The following RPH3AL variants were observed in gnomAD, a reference collection of about 807,000 sequenced individuals.
The protein encoded by RPH3AL is rabphilin 3A like (without C2 domains), also known as rab effector Noc2.
RPH3AL carries 38 observed loss-of-function variants against 43.1 expected under a neutral mutation model. That is an observed-to-expected ratio of 0.88 (90% CI 0.68 to 1.15). The LOEUF (loss-of-function observed/expected upper bound fraction) is 1.15, where lower values mean the gene tolerates loss of function less well. RPH3AL is among the 50% of genes most tolerant of loss of function. The pLI is 0.00. For missense variants in RPH3AL, 462 were observed against 423.2 expected (o/e 1.09, Z -0.81); for synonymous variants, 189 against 176.3 (o/e 1.07, Z -0.57).
At position 302,943 on chromosome 17, in the gene RPH3AL, C is replaced by T. The variant is rs187818702; in HGVS notation, c.351+16477G>A. 6.0e-4 allele frequency among the ~76,000 whole-genome samples: 91 copies of T among 152,294 alleles called. 1 individual carries two copies. The South Asian group carries it at 9.7e-3, about 16-fold the overall frequency. ...CCCCGAAGGTCAGGGGCGGGAGCTT[C>T]GCATTTCACACACACCTCTGGTGTT... On this transcript the variant is annotated intron_variant, in intron 5 of 9. Transcript: ENST00000331302.
intron 8 of RPH3AL, among the ~76,000 whole-genome samples, chr17:218,362 T>TTCC (rs2040863706): frequency 7.9e-6 from 1 of 126,716 alleles, no homozygotes; most frequent in African/African-American, 3.2e-5. Flanking sequence ...GCCCTTCTTC[T>TTCC]GCGCTAAAAT....
chr17:256,263 G>T (rs1383069352), intron 6 of RPH3AL, among the ~76,000 whole-genome samples: 6 of 88,970 alleles, frequency 6.7e-5, no homozygotes, highest in South Asian at 3.6e-4. Context: ...GCCGCACGGC[G>T]TCTGTCCTTT....
chr17:218,706 G>A (rs546908632), intron 8 of RPH3AL, among the ~76,000 whole-genome samples: 14 of 152,204 alleles, frequency 9.2e-5, no homozygotes, highest in African/African-American at 2.2e-4. Flanking sequence ...CAATGCCCCC[G>A]TTAACCCTCT....
chr17:282,964 C>T (rs2042816708), intron 5 of RPH3AL, among the ~76,000 whole-genome samples: 1 of 152,160 alleles, frequency 6.6e-6, no homozygotes, highest in South Asian at 2.1e-4. Context: ...ACGTTGCTTC[C>T]CCTGAAGGCA....
intron 5 of RPH3AL, among the ~76,000 whole-genome samples, chr17:317,151 C>G (rs891117654): frequency 1.2e-4 from 18 of 151,600 alleles, no homozygotes; most frequent in South Asian, 2.1e-4. Flanking sequence ...TGTGCCCCAC[C>G]TCCATTGACC....
chr17:309,262 C>T (rs996007635), intron 5 of RPH3AL, among the ~76,000 whole-genome samples: 3 of 152,222 alleles, frequency 2.0e-5, no homozygotes, highest in African/African-American at 7.2e-5. Flanking sequence ...CACTGCACTC[C>T]AGCCTGGGCG....
chr17:352,570 G>A (rs116963255), intron 1 of RPH3AL, 142 bp downstream of exon 1: 4 of 152,334 alleles, frequency 2.6e-5, no homozygotes, highest in East Asian at 1.9e-4. Flanking sequence ...TTAACCAGAC[G>A]CTCTCCCAGC....
chr17:272,354 C>T (rs1327866623), intron 6 of RPH3AL, among the ~76,000 whole-genome samples: 3 of 151,868 alleles, frequency 2.0e-5, no homozygotes, highest in Non-Finnish European at 2.9e-5. Flanking sequence ...TGGAACCAAC[C>T]CAAATGTCCA....
intron 1 of RPH3AL, among the ~76,000 whole-genome samples, chr17:349,603 C>T (rs904490927): frequency 6.6e-6 from 1 of 152,110 alleles, no homozygotes; most frequent in East Asian, 1.9e-4. Flanking sequence ...GGGAGGATTG[C>T]TTGAGGCCAG....
rs2041740473 is a variant in RPH3AL at position 245,459 on chromosome 17, GT to G, written c.613+1651del. ...TGTGAGCGTGTGTCAATGCGGTTGT[GT>G]TTGTGTGCGTGGATGTGAGTGTGTG... On this transcript the variant is annotated intron_variant, in intron 7 of 9. Coordinates refer to ENST00000331302, the MANE Select transcript of RPH3AL (RefSeq NM_006987.4). This position sits in a 1 kb window ranked among gnomAD's most constrained non-coding sequence, Gnocchi z 5.9. Among the ~76,000 whole-genome samples, 1 of 151,396 alleles carries G rather than the reference GT, an allele frequency of 6.6e-6. No homozygotes were observed. Among genetic ancestry groups the G allele is most frequent in the Non-Finnish European group, 1.5e-5 (1 of 67,866 alleles).
Position 283,283 on chromosome 17 carries a change from C to T in RPH3AL, c.352-1429G>A, listed in dbSNP as rs989759081. 9.9e-5 allele frequency among the ~76,000 whole-genome samples: 15 copies of T among 152,142 alleles called. No individual in the cohort carries two copies. The highest frequency in any genetic ancestry group is 2.7e-4 in the African/African-American group (11 of 41,420). On this transcript the variant is annotated intron_variant, in intron 5 of 9. Transcript: ENST00000331302. The surrounding 1 kb of genome is among the most constrained non-coding windows in gnomAD (Gnocchi z 4.2). ...AATGTCACCAACTTGGCTTCCACGT[C>T]GAGCGTGTCGAGCGTGTGGAGGTCA...
chr17:237,506 AGAG>A (rs2041426997), intron 7 of RPH3AL, among the ~76,000 whole-genome samples: 2 of 152,242 alleles, frequency 1.3e-5, no homozygotes, highest in South Asian at 4.1e-4. Flanking sequence ...CCCAGGCCTC[AGAG>A]GAGAAGGGAA....
intron 2 of RPH3AL, chr17:332,830 G>GAC (rs2044821788): frequency 5.2e-6 from 2 of 382,430 alleles, no homozygotes; most frequent in South Asian, 4.7e-5. Context: ...CCCGCCGGGC[G>GAC]ACACACGCTG....
chr17:265,989 C>T (rs568069920), intron 6 of RPH3AL, among the ~76,000 whole-genome samples: 2 of 152,312 alleles, frequency 1.3e-5, no homozygotes, highest in African/African-American at 4.8e-5. Context: ...GATCCAAGCC[C>T]CCAAGAGGGT....
At chr17:303,283 C>A (rs777305839) in intron 5 of RPH3AL, among the ~76,000 whole-genome samples, 1 of 151,856 alleles carries the variant, frequency 6.6e-6, no homozygotes, top group Non-Finnish European at 1.5e-5. Flanking sequence ...CCCAGCTGCC[C>A]GGGAGGCTGA....
chr17:343,487 T>C (rs758538835), intron 1 of RPH3AL, among the ~76,000 whole-genome samples: 4 of 152,154 alleles, frequency 2.6e-5, no homozygotes, highest in African/African-American at 7.2e-5. Context: ...TGGTTACAGG[T>C]CTGGGCTCAG....
chr17:228,603 A>C (rs1442885376), intron 7 of RPH3AL, among the ~76,000 whole-genome samples: 1 of 152,200 alleles, frequency 6.6e-6, no homozygotes, highest in East Asian at 1.9e-4. Context: ...TGGATTCCCA[A>C]GCTGGGCTTT....
chr17:295,059 G>A (rs1373971802), intron 5 of RPH3AL, among the ~76,000 whole-genome samples: 1 of 138,444 alleles, frequency 7.2e-6, no homozygotes, highest in East Asian at 2.4e-4. Flanking sequence ...GACGGGCAGA[G>A]GGAATGCACA....
intron 7 of RPH3AL, among the ~76,000 whole-genome samples, chr17:239,428 A>C (rs1457929814): frequency 6.6e-6 from 1 of 152,202 alleles, no homozygotes; most frequent in East Asian, 1.9e-4. Flanking sequence ...AAAGTGACTT[A>C]TGGTTGGCGT....
Sources: allele counts gnomAD v4.1 joint callset (sites outside exome capture counted in the v4.1 genomes callset), GRCh38; gene constraint gnomAD v4.1.1; non-coding constraint Gnocchi (gnomAD v3.1); transcripts MANE v1.5; gene names NCBI Gene and HGNC (gene_info 2026-07-23, HGNC 2026-07-21).